The following ANXA8 variants were observed in gnomAD, a reference collection of about 807,000 sequenced individuals.
ANXA8 encodes the protein annexin A8.
A neutral mutation model predicts 26.8 loss-of-function variants in ANXA8; 9 were observed. The ratio of observed to expected loss-of-function variants is 0.34; its 90% CI spans 0.20 to 0.59. The LOEUF (loss-of-function observed/expected upper bound fraction) is 0.59, where lower values mean the gene tolerates loss of function less well. ANXA8 is among the 20% of genes least tolerant of loss of function. ANXA8 has a pLI of 0.84. For synonymous variants in ANXA8, 39 were observed against 94.8 expected, an observed-to-expected ratio of 0.41 and a Z score of 3.42; for missense variants, 83 against 238.5, an observed-to-expected ratio of 0.35 and a Z score of 4.29.
chr10:47,668,873 G>C, the ANXA8 span, among the ~76,000 whole-genome samples: 1 of 151,336 alleles, frequency 6.6e-6, no homozygotes. Flanking sequence ...ATCTATCTGT[G>C]TCATTTGCTG....
the ANXA8 span, among the ~76,000 whole-genome samples, chr10:47,668,885 G>A: frequency 1.3e-5 from 2 of 151,242 alleles, no homozygotes; most frequent in Non-Finnish European, 2.9e-5. Context: ...CATTTGCTGG[G>A]GCACCCTTCA....
the ANXA8 span, among the ~76,000 whole-genome samples, chr10:47,684,465 C>G: frequency 6.6e-6 from 1 of 151,704 alleles, no homozygotes; most frequent in Admixed American, 6.6e-5. Flanking sequence ...TCTACACTTA[C>G]AAGGGTATTT....
At chr10:47,707,819 CAAAG>C in the ANXA8 span, among the ~76,000 whole-genome samples, 2 of 130,266 alleles carry the variant, frequency 1.5e-5, no homozygotes, top group Middle Eastern at 7.4e-3. Flanking sequence ...GGGGTTTTCT[CAAAG>C]AAGTTAAAAC....
the ANXA8 span, among the ~76,000 whole-genome samples, chr10:47,743,315 CATATAT>C: frequency 1.5e-4 from 9 of 60,016 alleles, no homozygotes; most frequent in African/African-American, 2.0e-4. Flanking sequence ...TATATATACA[CATATAT>C]ATATATACAT....
chr10:47,923,171 AG>A, the ANXA8 span: 1 of 323,554 alleles, frequency 3.1e-6, no homozygotes, highest in Non-Finnish European at 5.0e-6. Context: ...CACTTAGCTA[AG>A]TGGGCACACT....
At chr10:47,559,249 A>G in the ANXA8 span, among the ~76,000 whole-genome samples, 12 of 143,502 alleles carry the variant, frequency 8.4e-5, no homozygotes, top group South Asian at 2.1e-4. Context: ...CCTTAGCCTC[A>G]TGAGTAGCTA....
At chr10:47,573,883 C>T in the ANXA8 span, among the ~76,000 whole-genome samples, 4 of 150,392 alleles carry the variant, frequency 2.7e-5, no homozygotes, top group African/African-American at 9.9e-5. Flanking sequence ...AAAAAGCAGT[C>T]CTTGAACATT....
chr10:47,944,390 A>G, the ANXA8 span, among the ~76,000 whole-genome samples: 1 of 149,310 alleles, frequency 6.7e-6, no homozygotes, highest in Non-Finnish European at 1.5e-5. Context: ...TCTGCTCCCA[A>G]GTGAATGTCC....
chr10:47,526,457 T>C, the ANXA8 span, among the ~76,000 whole-genome samples: 1 of 134,652 alleles, frequency 7.4e-6, no homozygotes, highest in Non-Finnish European at 1.5e-5. Flanking sequence ...TCTTTCAACA[T>C]TAAGTCCCTT....
chr10:47,485,755 G>A (rs1327385913), upstream of ANXA8, among the ~76,000 whole-genome samples: 1 of 151,822 alleles, frequency 6.6e-6, no homozygotes. Flanking sequence ...AGGAGAGAGG[G>A]CCAGGCATCT....
At chr10:47,550,006 A>ACT in the ANXA8 span, among the ~76,000 whole-genome samples, 2 of 151,570 alleles carry the variant, frequency 1.3e-5, no homozygotes, top group African/African-American at 4.9e-5. Context: ...GGCATACACT[A>ACT]CTCAGGAGGC....
chr10:47,589,780 G>C, the ANXA8 span, among the ~76,000 whole-genome samples: 1 of 145,078 alleles, frequency 6.9e-6, no homozygotes, highest in Non-Finnish European at 1.5e-5. Flanking sequence ...ATTTGCCTTG[G>C]TTCTACCTTT....
chr10:47,650,607 C>T, the ANXA8 span, among the ~76,000 whole-genome samples: 1 of 145,432 alleles, frequency 6.9e-6, no homozygotes, highest in Non-Finnish European at 1.5e-5. Context: ...GAGATCGAGA[C>T]CATCCTGGCT....
chr10:47,948,171 C>A, the ANXA8 span, among the ~76,000 whole-genome samples: 1 of 140,758 alleles, frequency 7.1e-6, no homozygotes, highest in Non-Finnish European at 1.5e-5. Context: ...AAAATATCTA[C>A]CAATCTTTAG....
At chr10:47,534,694 GC>G in the ANXA8 span, among the ~76,000 whole-genome samples, 182 of 64,534 alleles carry the variant, frequency 2.8e-3, no homozygotes, top group East Asian at 0.014. Context: ...TGCTGTTATT[GC>G]CCAGGCTAGA....
At chr10:47,957,897 T>C in the ANXA8 span, among the ~76,000 whole-genome samples, 1 of 150,372 alleles carries the variant, frequency 6.7e-6, no homozygotes, top group Non-Finnish European at 1.5e-5. Flanking sequence ...ATGTAAAAAT[T>C]ACTCCTGCAA....
chr10:47,944,769 C>T, the ANXA8 span, among the ~76,000 whole-genome samples: 3 of 150,494 alleles, frequency 2.0e-5, no homozygotes, highest in Non-Finnish European at 2.9e-5. Flanking sequence ...AACTGTGAGT[C>T]GATTAAACCT....
At chr10:47,564,827 G>A in the ANXA8 span, 7 of 929,220 alleles carry the variant, frequency 7.5e-6, no homozygotes, top group African/African-American at 5.1e-5. Context: ...AATAAGCTAC[G>A]TCCTCTATGC....
the ANXA8 span, among the ~76,000 whole-genome samples, chr10:47,546,900 AAT>A: frequency 7.4e-3 from 960 of 128,962 alleles, 37 homozygotes; most frequent in Non-Finnish European, 0.011. Context: ...AAAACCACAG[AAT>A]ATATGAAGTT....
Sources: gnomAD v4.1 joint callset for allele counts (sites outside exome capture counted in the v4.1 genomes callset) on GRCh38, gnomAD v4.1.1 for gene constraint, MANE v1.5 for transcripts, NCBI Gene and HGNC (gene_info 2026-07-23, HGNC 2026-07-21) for gene names.